CNTNAP2: variants seen among roughly 807,000 people sequenced by gnomAD.
The protein encoded by CNTNAP2 is contactin associated protein 2.
CNTNAP2 carries 98 observed loss-of-function variants against 155.2 expected under a neutral mutation model. The observed-to-expected ratio is 0.63, with a 90% confidence interval of 0.54 to 0.75. CNTNAP2 has a LOEUF of 0.75. CNTNAP2 is among the 30% of genes least tolerant of loss of function. The pLI, the probability that CNTNAP2 is intolerant of heterozygous loss-of-function variation, is 0.00. For missense variants in CNTNAP2, 1,727 were observed against 1,688.1 expected, an observed-to-expected ratio of 1.02 and a Z score of -0.40; for synonymous variants, 651 against 631.2, an observed-to-expected ratio of 1.03 and a Z score of -0.47.
At chr7:146,245,484 C>A (rs946882409) in intron 1 of CNTNAP2, among the ~76,000 whole-genome samples, 9 of 151,930 alleles carry the variant, frequency 5.9e-5, no homozygotes, top group African/African-American at 1.9e-4. Context: ...GCAGACATGA[C>A]GGCTAGGCTA....
chr7:146,597,535 C>T (rs1256805316), intron 1 of CNTNAP2, among the ~76,000 whole-genome samples: 1 of 151,882 alleles, frequency 6.6e-6, no homozygotes, highest in East Asian at 1.9e-4. Context: ...GTAATATTTG[C>T]CCTTTCTTGG....
In CNTNAP2 at chr7:147,018,937, T is replaced by C. The variant is rs559705492; in HGVS notation, c.403-24970T>C. On this transcript the variant is annotated intron_variant, in intron 3 of 23. Coordinates refer to ENST00000361727, the MANE Select transcript of CNTNAP2 (RefSeq NM_014141.6). The stretch of plus-strand genomic sequence containing the variant: ...ATACCTCAGTGACAATTTGTACAAT[T>C]ACCAGTGAAGATTAGCTGCCCAAGA... 2.0e-5 allele frequency among the ~76,000 whole-genome samples: 3 copies of C among 152,140 alleles called. No individual in the cohort carries two copies. The East Asian group carries it at 5.8e-4, about 29-fold the overall frequency.
rs114710135 is a variant in CNTNAP2, at chr7:147,286,456, G to A, written c.1349-13685G>A. ...TTGGATATTTATTTTAAAAAGCTAA[G>A]GAACAGGAAATATAACCTATAAATG... On this transcript the variant is annotated intron_variant, in intron 8 of 23. Transcript: ENST00000361727. 8.4e-3 allele frequency among the ~76,000 whole-genome samples: 1,279 copies of A among 151,900 alleles called. 24 individuals are homozygous for A. The highest frequency in any genetic ancestry group is 0.029 in the African/African-American group (1,191 of 41,478).
intron 8 of CNTNAP2, among the ~76,000 whole-genome samples, chr7:147,238,172 G>A (rs543528600): frequency 6.6e-5 from 10 of 152,064 alleles, no homozygotes; most frequent in African/African-American, 2.2e-4. Context: ...CCGCCACCAC[G>A]CCCGGCTAAT....
chr7:147,625,827 C>G (rs1424590629), intron 12 of CNTNAP2, among the ~76,000 whole-genome samples: 1 of 152,130 alleles, frequency 6.6e-6, no homozygotes, highest in African/African-American at 2.4e-5. Context: ...ACTGAGCATT[C>G]CCAAAGTGTG....
intron 1 of CNTNAP2, among the ~76,000 whole-genome samples, chr7:146,468,729 T>G (rs1378850443): frequency 1.3e-5 from 2 of 152,114 alleles, no homozygotes; most frequent in African/African-American, 4.8e-5. Flanking sequence ...TAAAAAAAGA[T>G]GGCAAAGCTG....
chr7:148,374,984 A>C (rs149758096), intron 21 of CNTNAP2, among the ~76,000 whole-genome samples: 54 of 152,266 alleles, frequency 3.5e-4, no homozygotes, highest in African/African-American at 1.3e-3. Context: ...CTTAGCCCTA[A>C]AAAATCATGC....
chr7:147,060,845 C>G (rs1410682474), intron 4 of CNTNAP2, among the ~76,000 whole-genome samples: 9 of 141,580 alleles, frequency 6.4e-5, no homozygotes, highest in Non-Finnish European at 1.2e-4. Flanking sequence ...GCCTGGGGGA[C>G]AGAGCGAGAC....
intron 21 of CNTNAP2, among the ~76,000 whole-genome samples, chr7:148,358,594 C>T (rs148944619): frequency 2.6e-3 from 390 of 152,268 alleles, no homozygotes; most frequent in Admixed American, 3.7e-3. Context: ...ATTAGGGGTC[C>T]TATGCTTTTG....
intron 1 of CNTNAP2, among the ~76,000 whole-genome samples, chr7:146,171,193 T>A (rs10265805): frequency 0.3 from 45,975 of 152,038 alleles, 8,136 homozygotes; most frequent in African/African-American, 0.49. Context: ...CAATGGACAA[T>A]CACCAATCCT....
chr7:148,038,441 G>A (rs117606681), intron 15 of CNTNAP2, among the ~76,000 whole-genome samples: 1,909 of 152,206 alleles, frequency 0.013, 39 homozygotes, highest in East Asian at 0.085. Flanking sequence ...GTCCCCTCTC[G>A]TCTCAGCAGA....
chr7:147,754,331 G>A (rs956652668), intron 13 of CNTNAP2, among the ~76,000 whole-genome samples: 1 of 152,208 alleles, frequency 6.6e-6, no homozygotes, highest in Non-Finnish European at 1.5e-5. Context: ...GGAAGAGTAA[G>A]CTTGTATTCT....
At chr7:147,232,956 T>C (rs889034174) in intron 8 of CNTNAP2, among the ~76,000 whole-genome samples, 2 of 152,188 alleles carry the variant, frequency 1.3e-5, no homozygotes, top group Non-Finnish European at 2.9e-5. Flanking sequence ...TTAAAGAAAA[T>C]TAGTTCTATT....
At chr7:147,032,105 A>G (rs920462649) in intron 3 of CNTNAP2, among the ~76,000 whole-genome samples, 14 of 152,214 alleles carry the variant, frequency 9.2e-5, no homozygotes, top group Non-Finnish European at 1.9e-4. Flanking sequence ...AAAACTAATC[A>G]AACTATTCAC....
chr7:148,189,858 C>T (rs1795176481), intron 18 of CNTNAP2: 1 of 152,188 alleles, frequency 6.6e-6, no homozygotes, highest in African/African-American at 2.4e-5. Context: ...TATATGAAGA[C>T]AATCTTCTCC....
chr7:146,169,676 A>AT (rs397714809), intron 1 of CNTNAP2, among the ~76,000 whole-genome samples: 23,473 of 147,938 alleles, frequency 0.16, 2,602 homozygotes, highest in African/African-American at 0.33. Context: ...CTGTGATATG[A>AT]TTTTTTTTTT....
At chr7:147,017,014 G>A (rs1427570984) in intron 3 of CNTNAP2, among the ~76,000 whole-genome samples, 1 of 149,616 alleles carries the variant, frequency 6.7e-6, no homozygotes, top group Non-Finnish European at 1.5e-5. Flanking sequence ...TTAATAATAT[G>A]TTAGTAATTT....
chr7:148,308,314 T>G (rs780559913), intron 21 of CNTNAP2, among the ~76,000 whole-genome samples: 1 of 152,020 alleles, frequency 6.6e-6, no homozygotes, highest in African/African-American at 2.4e-5. Flanking sequence ...ACATGTTCAC[T>G]GCAGAAAACT....
intron 13 of CNTNAP2, among the ~76,000 whole-genome samples, chr7:147,717,605 T>A (rs1390964019): frequency 6.6e-6 from 1 of 152,142 alleles, no homozygotes; most frequent in Non-Finnish European, 1.5e-5. Context: ...GCAACTTAAG[T>A]TAATATCAAA....
Sources: gnomAD v4.1 joint callset for allele counts (sites outside exome capture counted in the v4.1 genomes callset) on GRCh38, gnomAD v4.1.1 for gene constraint, MANE v1.5 for transcripts, NCBI Gene and HGNC (gene_info 2026-07-23, HGNC 2026-07-21) for gene names.